GRIA3: variants seen among roughly 807,000 people sequenced by gnomAD.
GRIA3 encodes glutamate ionotropic receptor AMPA type subunit 3.
Under a neutral mutation model 63.0 loss-of-function variants are expected in GRIA3, and 3 were observed. The observed-to-expected ratio is 0.05, with a 90% CI of 0.02 to 0.12. The LOEUF is 0.12. Among genes scored for constraint, GRIA3 ranks in the 10% least tolerant of loss-of-function variants. GRIA3 has a pLI of 1.00. For missense variants in GRIA3, 347 were observed against 700.9 expected (o/e 0.50, Z 5.70); for synonymous variants, 274 against 257.9 (o/e 1.06, Z -0.60).
intron 2 of GRIA3, among the ~76,000 whole-genome samples, chrX:123,214,703 T>G (rs1928117430): frequency 8.9e-6 from 1 of 112,259 alleles, no homozygotes; most frequent in Non-Finnish European, 1.9e-5. Context: ...CATGAACCTA[T>G]TAAGGACTGC....
intron 3 of GRIA3, among the ~76,000 whole-genome samples, chrX:123,305,722 T>G (rs776786243): frequency 8.9e-6 from 1 of 112,187 alleles, no homozygotes; most frequent in African/African-American, 3.2e-5. Flanking sequence ...CATCAGGCCT[T>G]TATAGTTAAA....
chrX:123,380,456 A>T (rs1170432613), intron 5 of GRIA3, among the ~76,000 whole-genome samples: 1 of 111,252 alleles, frequency 9.0e-6, no homozygotes, highest in Non-Finnish European at 1.9e-5. Context: ...TTGAGAAGGG[A>T]CTGTTCATAT....
chrX:123,466,624 A>G (rs1165061609), intron 13 of GRIA3, among the ~76,000 whole-genome samples: 1 of 112,009 alleles, frequency 8.9e-6, no homozygotes, highest in Non-Finnish European at 1.9e-5. Flanking sequence ...AACAAGAAAT[A>G]GGGGCAAGCT....
rs146684908 is a variant in GRIA3, at chrX:123,417,294, G to T, written c.1501-108G>T. The T allele has an allele frequency of 4.6e-4, 311 of 673,228 alleles. 1 individual carries two copies. The East Asian group carries it at 9.9e-3, about 21-fold the overall frequency. The allele number at this position is 673,228 out of a possible 1,213,427, so 55.5% of individuals were successfully genotyped here. On this transcript the variant is annotated intron_variant, in intron 10 of 15. Coordinates refer to ENST00000620443, the MANE Select transcript of GRIA3 (RefSeq NM_007325.5). ...CATTGATAATTCAATTGGTTGTAAA[G>T]ATTTAGGACTTGATATTTTCACCAA...
chrX:123,321,941 G>C (rs766019486), intron 3 of GRIA3, among the ~76,000 whole-genome samples: 1 of 111,339 alleles, frequency 9.0e-6, no homozygotes, highest in Non-Finnish European at 1.9e-5. Context: ...GAGTTACCTC[G>C]CTGGGGGTAT....
intron 12 of GRIA3, among the ~76,000 whole-genome samples, chrX:123,458,546 C>T (rs948433251): frequency 9.0e-6 from 1 of 111,318 alleles, no homozygotes; most frequent in Non-Finnish European, 1.9e-5. Flanking sequence ...ATCACTTCAC[C>T]GGGTGAGAGG....
chrX:123,189,467 C>T (rs1927368173), intron 2 of GRIA3, among the ~76,000 whole-genome samples: 1 of 112,149 alleles, frequency 8.9e-6, no homozygotes, highest in Admixed American at 9.4e-5. Flanking sequence ...CTTGAAGTCC[C>T]CTCCTGTGTC....
chrX:123,460,526 A>G (rs2045786553), intron 12 of GRIA3, among the ~76,000 whole-genome samples: 1 of 112,290 alleles, frequency 8.9e-6, no homozygotes, highest in Non-Finnish European at 1.9e-5. Context: ...CTATGCAGCC[A>G]TTATAAAGGA....
chrX:123,459,463 C>T (rs957367546), intron 12 of GRIA3, among the ~76,000 whole-genome samples: 12 of 111,778 alleles, frequency 1.1e-4, no homozygotes, highest in African/African-American at 2.6e-4. Context: ...TGATGTATTA[C>T]GAATAGTTAG....
At chrX:123,223,240 A>T (rs2044228231) in intron 2 of GRIA3, among the ~76,000 whole-genome samples, 1 of 112,921 alleles carries the variant, frequency 8.9e-6, no homozygotes, top group Non-Finnish European at 1.9e-5. Context: ...TTGACACTTA[A>T]GGAATTGATT....
At chrX:123,358,080 G>A (rs2045145338) in intron 5 of GRIA3, among the ~76,000 whole-genome samples, 1 of 111,573 alleles carries the variant, frequency 9.0e-6, no homozygotes, top group Non-Finnish European at 1.9e-5. Context: ...GACAGAGAGA[G>A]AGAGAGAGAG....
At chrX:123,232,385 C>T (rs894351942) in intron 2 of GRIA3, among the ~76,000 whole-genome samples, 1 of 111,683 alleles carries the variant, frequency 9.0e-6, no homozygotes, top group Non-Finnish European at 1.9e-5. Flanking sequence ...CCCCCACTTT[C>T]AACTCAGGTT....
Position 123,289,427 on chromosome X carries a change from AAT to A in GRIA3, c.508+35901_508+35902del, listed in dbSNP as rs1299468442. The stretch of plus-strand genomic sequence containing the variant: ...AGAACTTAAAGTATAATTTAAAAAA[AAT>A]ATATATATATATATAAAGATAAAGA... On this transcript the variant is annotated intron_variant, in intron 3 of 15. Transcript: ENST00000620443. Among the ~76,000 whole-genome samples the A allele has an allele frequency of 4.4e-3, 445 of 101,617 alleles. 5 individuals are homozygous for A. Among genetic ancestry groups the A allele is most frequent in the African/African-American group, 0.015 (417 of 27,034 alleles). 88.2% of individuals were successfully genotyped at this position (101,617 alleles called of 115,157 possible).
At chrX:123,192,879 G>A (rs1235506712) in intron 2 of GRIA3, among the ~76,000 whole-genome samples, 1 of 110,961 alleles carries the variant, frequency 9.0e-6, no homozygotes, top group African/African-American at 3.3e-5. Context: ...GGTCTGTGAT[G>A]GTGCCCAAGA....
intron 12 of GRIA3, among the ~76,000 whole-genome samples, chrX:123,447,292 C>CA (rs370059075): frequency 0.015 from 1,652 of 108,744 alleles, 25 homozygotes; most frequent in African/African-American, 0.044. Context: ...CAAAACAAAA[C>CA]AAAAAAAAAC....
intron 13 of GRIA3, among the ~76,000 whole-genome samples, chrX:123,477,598 T>C (rs944961490): frequency 3.6e-5 from 4 of 111,711 alleles, no homozygotes; most frequent in African/African-American, 1.3e-4. Flanking sequence ...ATAAAAATAG[T>C]TTTGACCTCA....
intron 5 of GRIA3, among the ~76,000 whole-genome samples, chrX:123,380,264 T>C (rs772361805): frequency 1.8e-5 from 2 of 111,938 alleles, no homozygotes; most frequent in East Asian, 5.6e-4. Flanking sequence ...CCACCAACAG[T>C]GTAAAAGTGT....
intron 4 of GRIA3, among the ~76,000 whole-genome samples, chrX:123,349,926 T>C (rs1458144334): frequency 9.0e-6 from 1 of 111,718 alleles, no homozygotes; most frequent in Non-Finnish European, 1.9e-5. Context: ...TGGCATGTTT[T>C]AAGGCTGATT....
At chrX:123,254,671 A>G (rs2044409767) in intron 3 of GRIA3, among the ~76,000 whole-genome samples, 1 of 111,861 alleles carries the variant, frequency 8.9e-6, no homozygotes, top group African/African-American at 3.2e-5. Flanking sequence ...TCAAATCTTA[A>G]TAGCAAATAC....
Sources: gnomAD v4.1 joint callset for allele counts (sites outside exome capture counted in the v4.1 genomes callset) on GRCh38, gnomAD v4.1.1 for gene constraint, MANE v1.5 for transcripts, NCBI Gene and HGNC (gene_info 2026-07-23, HGNC 2026-07-21) for gene names.